Variants in TMEM161A observed in about 807,000 individuals in gnomAD.
The protein encoded by TMEM161A is transmembrane protein 161A.
TMEM161A carries 46 observed loss-of-function variants against 57.1 expected under a neutral mutation model. That is an observed-to-expected ratio of 0.81 (90% CI 0.64 to 1.03). The LOEUF (loss-of-function observed/expected upper bound fraction) is 1.03. TMEM161A is among the 50% of genes least tolerant of loss of function. The pLI, the probability that TMEM161A is intolerant of heterozygous loss-of-function variation, is 0.00. For missense variants in TMEM161A, 601 were observed against 621.5 expected (o/e 0.97, Z 0.35); for synonymous variants, 288 against 279.0 (o/e 1.03, Z -0.32).
chr19:19,132,480 C>A lies in TMEM161A; in HGVS notation c.315G>T (p.Trp105Cys). ...CCGAGTACACAGCAAAGTCCACAAA[C>A]CACTGGTACTCCAGGAAGAAGCGCA... is the stretch of plus-strand genomic sequence containing the variant. ...LVLRFFLEYQ[W>C]FVDFAVYSGG... Residue 105 changes from tryptophan to cysteine, a missense_variant, in exon 5 of 12, where the codon TGG becomes TGT. Physicochemically the swap from Trp to Cys is radical, Grantham distance 215. Coordinates refer to ENST00000162044, the MANE Select transcript of TMEM161A (RefSeq NM_017814.3). This position sits in a 1 kb window ranked among gnomAD's most constrained non-coding sequence, Gnocchi z 4.3. The A allele has an allele frequency of 6.2e-7, 1 of 1,614,114 alleles. No individual in the cohort carries two copies. The highest frequency in any genetic ancestry group is 8.5e-7 in the Non-Finnish European group (1 of 1,179,974).
rs140785952 is a variant in TMEM161A at position 19,130,071 on chromosome 19, G to C, written c.595+85C>G. On this transcript the variant is annotated intron_variant, in intron 6 of 11. Transcript: ENST00000162044. ...GCCCACTCCTTTGCCTACTCGTGCT[G>C]GACACGGAGCCAGTTAAACCATCTT... The C allele has an allele frequency of 3.5e-4, 529 of 1,519,426 alleles. 1 individual carries two copies. The African/African-American group carries it at 6.1e-3, about 18-fold the overall frequency. The allele number at this position is 1,519,426 out of a possible 1,614,324, so 94.1% of individuals were successfully genotyped here.
rs1015188048 is a variant in TMEM161A at position 19,119,784 on chromosome 19, G to A, written c.*146C>T. On this transcript the variant is annotated 3_prime_UTR_variant, in exon 12 of 12. Transcript: ENST00000162044. ...AGAAACTCGGCGTCCAAGGGGGGCC[G>A]CGGGTCAGGCACTGTGGTGAAGGGA... 11 of 1,043,168 alleles carry A rather than the reference G, an allele frequency of 1.1e-5. No homozygotes were observed. The Admixed American group carries it at 1.1e-4, about 11-fold the overall frequency. 64.6% of individuals were successfully genotyped at this position (1,043,168 alleles called of 1,614,324 possible). A position where few individuals can be genotyped will look rare whatever the true frequency, so the allele number is the denominator to read the frequency against.
rs547501231 is a variant in TMEM161A, at chr19:19,124,341, T to A, written c.596-2522A>T. 2.6e-5 allele frequency among the ~76,000 whole-genome samples: 4 copies of A among 152,290 alleles called. No individual in the cohort carries two copies. The East Asian group carries it at 7.7e-4, about 29-fold the overall frequency. Reference sequence around the variant, plus strand: ...TAAACTCATAGAGCCAGGGAATATGTCCTTCAATTAGAACATGTGAAAAAA... The same window carrying A: ...TAAACTCATAGAGCCAGGGAATATGACCTTCAATTAGAACATGTGAAAAAA... On this transcript the variant is annotated intron_variant, in intron 6 of 11. Transcript: ENST00000162044.
chr19:19,131,511 C>T (rs886171288), intron 5 of TMEM161A, among the ~76,000 whole-genome samples: 74 of 147,988 alleles, frequency 5.0e-4, no homozygotes, highest in Admixed American at 1.3e-3. Flanking sequence ...TATATATACA[C>T]ACACACACAC....
intron 1 of TMEM161A, among the ~76,000 whole-genome samples, chr19:19,136,419 G>GC (rs1428160153): frequency 6.6e-6 from 1 of 152,160 alleles, no homozygotes; most frequent in African/African-American, 2.4e-5. Flanking sequence ...ATGTTGGGAG[G>GC]CTGAGGCGGG....
chr19:19,122,049 T>C (rs1039963256), intron 6 of TMEM161A, among the ~76,000 whole-genome samples: 2 of 152,094 alleles, frequency 1.3e-5, no homozygotes, highest in African/African-American at 4.8e-5. Context: ...TCCCAGCACT[T>C]TGGGAGGCTG....
Position 19,119,540 on chromosome 19 carries a change from C to T in TMEM161A, c.*390G>A. Reference sequence around the variant, plus strand: ...CCTCCCGCGCAGCCCCCACCCTGCACCCGGGCAGGTGCCACAGGGACGTGC... The same window carrying T: ...CCTCCCGCGCAGCCCCCACCCTGCATCCGGGCAGGTGCCACAGGGACGTGC... On this transcript the variant is annotated 3_prime_UTR_variant, in exon 12 of 12. Transcript: ENST00000162044. The T allele has an allele frequency of 4.5e-6, 1 of 222,722 alleles. No individual in the cohort carries two copies. Among genetic ancestry groups the T allele is most frequent in the Non-Finnish European group, 9.2e-6 (1 of 108,626 alleles). The allele number at this position is 222,722 out of a possible 1,614,324, so 13.8% of individuals were successfully genotyped here. A position where few individuals can be genotyped will look rare whatever the true frequency, so the allele number is the denominator to read the frequency against.
chr19:19,126,102 G>C (rs891925808), intron 6 of TMEM161A, among the ~76,000 whole-genome samples: 2 of 150,064 alleles, frequency 1.3e-5, no homozygotes, highest in Admixed American at 1.3e-4. Flanking sequence ...CCCATCTCTA[G>C]TAAAAAATAC....
intron 6 of TMEM161A, among the ~76,000 whole-genome samples, chr19:19,128,967 T>C (rs912365160): frequency 8.5e-5 from 13 of 152,196 alleles, no homozygotes; most frequent in African/African-American, 7.2e-5. Context: ...TGGGCAACAA[T>C]GTGAACAGGT....
chr19:19,125,116 G>A (rs1035949492), intron 6 of TMEM161A, among the ~76,000 whole-genome samples: 1 of 152,060 alleles, frequency 6.6e-6, no homozygotes, highest in Non-Finnish European at 1.5e-5. Flanking sequence ...AAGGAGGTAC[G>A]CCAGTACTGT....
At chr19:19,134,308 A>G (rs1022325952) in intron 2 of TMEM161A, among the ~76,000 whole-genome samples, 2 of 152,094 alleles carry the variant, frequency 1.3e-5, no homozygotes, top group Non-Finnish European at 2.9e-5. Flanking sequence ...TACTTCAAAT[A>G]TATACAGTTT....
rs748334098 is a variant in TMEM161A at position 19,119,954 on chromosome 19, G to A, written c.1416C>T (p.Phe472=). The A allele has an allele frequency of 1.2e-5, 18 of 1,560,768 alleles. 1 individual carries two copies. The highest frequency in any genetic ancestry group is 1.6e-5 in the Non-Finnish European group (18 of 1,153,658). Residue 472 remains phenylalanine (F), a synonymous_variant, in exon 12 of 12, where the codon TTC becomes TTT. Coordinates refer to ENST00000162044, the MANE Select transcript of TMEM161A (RefSeq NM_017814.3). ...QLLASLFGLY[F]HQHLAGS ...GCTAGGAGCCTGCCAAGTGCTGGTG[G>A]AAGTAGAGGCCGAAAAGGCTGGCGA...
At chr19:19,124,148 G>A (rs2059921814) in intron 6 of TMEM161A, among the ~76,000 whole-genome samples, 1 of 152,098 alleles carries the variant, frequency 6.6e-6, no homozygotes, top group African/African-American at 2.4e-5. Flanking sequence ...TTCTAAATCT[G>A]TGAATAGAAC....
At chr19:19,137,662 C>T (rs2146342153) in intron 1 of TMEM161A, among the ~76,000 whole-genome samples, 1 of 152,306 alleles carries the variant, frequency 6.6e-6, no homozygotes, top group East Asian at 1.9e-4. Context: ...TAATTCCGGC[C>T]ATCAGTGCCC....
chr19:19,132,970 G>T lies in TMEM161A; in HGVS notation c.188+160C>A. On this transcript the variant is annotated intron_variant, in intron 3 of 11. Transcript: ENST00000162044. This position sits in a 1 kb window ranked among gnomAD's most constrained non-coding sequence, Gnocchi z 4.3. Reference sequence around the variant, plus strand: ...CTAACTTGACAGTGACCATCTCCTTGGACTAGGGTCTCCCGGTTCACCTGT... The same window carrying T: ...CTAACTTGACAGTGACCATCTCCTTTGACTAGGGTCTCCCGGTTCACCTGT... The T allele has an allele frequency of 4.1e-6, 3 of 733,222 alleles. No individual in the cohort carries two copies. Among genetic ancestry groups the T allele is most frequent in the Non-Finnish European group, 6.6e-6 (3 of 451,710 alleles). 45.4% of individuals were successfully genotyped at this position (733,222 alleles called of 1,614,324 possible).
At chr19:19,130,364 CCA>C (rs1232897492) in intron 5 of TMEM161A, 57 bp from the exon 6 acceptor site, 1 of 1,599,936 alleles carries the variant, frequency 6.3e-7, no homozygotes, top group Non-Finnish European at 8.5e-7. Flanking sequence ...GCCCATTTCA[CCA>C]CACTCCGTCT....
At position 19,132,238 on chromosome 19, in the gene TMEM161A, TG is replaced by T; in HGVS notation, c.443+113del. The T allele has an allele frequency of 8.1e-7, 1 of 1,240,150 alleles. No individual in the cohort carries two copies. The highest frequency in any genetic ancestry group is 1.1e-6 in the Non-Finnish European group (1 of 885,120). The allele number at this position is 1,240,150 out of a possible 1,614,324, so 76.8% of individuals were successfully genotyped here. On this transcript the variant is annotated intron_variant, in intron 5 of 11. Transcript: ENST00000162044. This position sits in a 1 kb window ranked among gnomAD's most constrained non-coding sequence, Gnocchi z 4.3. ...AATGTCTGCTTCATGTCACTAAGCT[TG>T]GGGAAGTTTGTGGCACAGCAGGTGA... is the stretch of plus-strand genomic sequence containing the variant.
rs2059913366 is a variant in TMEM161A at position 19,121,993 on chromosome 19, T to C, written c.596-174A>G. Reference sequence around the variant, plus strand: ...ACAATTTTGTGCTCTAGTTACACAGTACTTTTTACAAGAAACAAGATTGGA... The same window carrying C: ...ACAATTTTGTGCTCTAGTTACACAGCACTTTTTACAAGAAACAAGATTGGA... On this transcript the variant is annotated intron_variant, in intron 6 of 11. Transcript: ENST00000162044. This position sits in a 1 kb window ranked among gnomAD's most constrained non-coding sequence, Gnocchi z 5.8. Among the ~76,000 whole-genome samples, 1 of 152,172 alleles carries C rather than the reference T, an allele frequency of 6.6e-6. No homozygotes were observed. Among genetic ancestry groups the C allele is most frequent in the Non-Finnish European group, 1.5e-5 (1 of 68,020 alleles).
At chr19:19,131,358 T>C (rs529226001) in intron 5 of TMEM161A, among the ~76,000 whole-genome samples, 158 of 151,910 alleles carry the variant, frequency 1.0e-3, no homozygotes, top group Non-Finnish European at 1.9e-3. Context: ...CCCAAAGTCA[T>C]GTATTTGCTC....
Sources: allele counts gnomAD v4.1 joint callset (sites outside exome capture counted in the v4.1 genomes callset), GRCh38; gene constraint gnomAD v4.1.1; non-coding constraint Gnocchi (gnomAD v3.1); transcripts MANE v1.5; gene names NCBI Gene and HGNC (gene_info 2026-07-23, HGNC 2026-07-21).